The following RGS20 variants were observed in gnomAD, a reference collection of about 807,000 sequenced individuals.
RGS20 encodes regulator of G protein signaling 20.
A neutral mutation model predicts 33.6 loss-of-function variants in RGS20; 30 were observed. That is an observed-to-expected ratio of 0.89 (90% CI 0.67 to 1.21). The LOEUF (loss-of-function observed/expected upper bound fraction) is 1.21. RGS20 is among the 50% of genes most tolerant of loss of function. The pLI, the probability that RGS20 is intolerant of heterozygous loss-of-function variation, is 0.00. For missense variants in RGS20, 472 were observed against 502.4 expected, an observed-to-expected ratio of 0.94 and a Z score of 0.58; for synonymous variants, 208 against 197.9, an observed-to-expected ratio of 1.05 and a Z score of -0.43.
At chr8:53,862,294 G>C (rs189510852) in intron 1 of RGS20, among the ~76,000 whole-genome samples, 13 of 152,268 alleles carry the variant, frequency 8.5e-5, no homozygotes, top group Non-Finnish European at 1.5e-4. Context: ...TCCTGCTCAT[G>C]AAATCTACAG....
intron 1 of RGS20, among the ~76,000 whole-genome samples, chr8:53,859,248 G>C (rs1047364985): frequency 1.3e-5 from 2 of 152,214 alleles, no homozygotes; most frequent in Non-Finnish European, 1.5e-5. Flanking sequence ...GGAAGCTGTT[G>C]TGTATGCTGT....
intron 2 of RGS20, among the ~76,000 whole-genome samples, chr8:53,937,558 C>A (rs947007654): frequency 2.0e-5 from 3 of 152,132 alleles, no homozygotes; most frequent in Non-Finnish European, 4.4e-5. Flanking sequence ...TAAAGAACTT[C>A]TGCACAGCAA....
chr8:53,892,912 T>C (rs182822066), intron 2 of RGS20, among the ~76,000 whole-genome samples: 32 of 152,276 alleles, frequency 2.1e-4, no homozygotes, highest in Non-Finnish European at 4.1e-4. Flanking sequence ...CCAGGAAAAA[T>C]ATTACTAATA....
At chr8:53,918,193 T>C (rs1414788987) in intron 2 of RGS20, among the ~76,000 whole-genome samples, 1 of 152,114 alleles carries the variant, frequency 6.6e-6, no homozygotes, top group Non-Finnish European at 1.5e-5. Context: ...CCTGAATATT[T>C]TCATAATTCT....
intron 2 of RGS20, chr8:53,879,762 C>T (rs57281648): frequency 1.7e-6 from 1 of 588,620 alleles, no homozygotes. Flanking sequence ...AGTCCTAGGA[C>T]GGGACATTGG....
In RGS20 at chr8:53,879,795, C is replaced by G. The variant is rs540059642; in HGVS notation, c.510+193C>G. On this transcript the variant is annotated intron_variant, in intron 2 of 5. Transcript: ENST00000297313. ...TGGCGGCTCCCGGGACACCGCCCCT[C>G]CCCGCGGGAAGACACTCCAAGCTAC... The G allele has an allele frequency of 3.5e-5, 17 of 482,588 alleles. No individual in the cohort carries two copies. The South Asian group carries it at 7.9e-4, about 23-fold the overall frequency. The allele number at this position is 482,588 out of a possible 1,614,324, so 29.9% of individuals were successfully genotyped here. A position where few individuals can be genotyped will look rare whatever the true frequency, so the allele number is the denominator to read the frequency against.
chr8:53,907,303 T>G (rs1813207685), intron 2 of RGS20, among the ~76,000 whole-genome samples: 1 of 152,118 alleles, frequency 6.6e-6, no homozygotes, highest in Non-Finnish European at 1.5e-5. Flanking sequence ...TTAAAGAATC[T>G]TGGCTGGGCG....
chr8:53,928,823 C>CA (rs879477520), intron 2 of RGS20, among the ~76,000 whole-genome samples: 333 of 125,852 alleles, frequency 2.6e-3, no homozygotes, highest in Admixed American at 8.1e-3. Flanking sequence ...AACTCCGTCT[C>CA]AAAAAAAAAA....
At chr8:53,924,655 T>C (rs929091768) in intron 2 of RGS20, among the ~76,000 whole-genome samples, 8 of 152,188 alleles carry the variant, frequency 5.3e-5, no homozygotes, top group Non-Finnish European at 1.0e-4. Context: ...TGTTTCATTC[T>C]TTTTTGTTGT....
chr8:53,899,997 A>G (rs1323412047), intron 2 of RGS20, among the ~76,000 whole-genome samples: 1 of 152,088 alleles, frequency 6.6e-6, no homozygotes, highest in African/African-American at 2.4e-5. Context: ...TTCTGTTCTC[A>G]GCTTTGCCCA....
intron 1 of RGS20, among the ~76,000 whole-genome samples, chr8:53,860,595 G>T (rs1450366951): frequency 6.6e-6 from 1 of 152,148 alleles, no homozygotes; most frequent in Non-Finnish European, 1.5e-5. Context: ...GCCTCTAATA[G>T]CTGTGGCTCC....
chr8:53,886,357 G>A (rs1192331906), intron 2 of RGS20, among the ~76,000 whole-genome samples: 1 of 152,152 alleles, frequency 6.6e-6, no homozygotes, highest in Non-Finnish European at 1.5e-5. Context: ...AATTCATGGA[G>A]TAGATTACCT....
At chr8:53,947,797 A>G (rs1382242836) in intron 4 of RGS20, among the ~76,000 whole-genome samples, 9 of 134,628 alleles carry the variant, frequency 6.7e-5, no homozygotes, top group Admixed American at 7.8e-5. Flanking sequence ...ACATTTATAT[A>G]TGCTATATAT....
intron 2 of RGS20, among the ~76,000 whole-genome samples, chr8:53,930,535 G>C (rs371015362): frequency 6.6e-6 from 1 of 152,246 alleles, no homozygotes; most frequent in African/African-American, 2.4e-5. Context: ...AAATTAATTA[G>C]GATATGGTTT....
intron 4 of RGS20, among the ~76,000 whole-genome samples, chr8:53,949,393 A>G (rs1355374948): frequency 1.3e-5 from 2 of 150,636 alleles, no homozygotes; most frequent in African/African-American, 2.4e-5. Flanking sequence ...AACATGAAAC[A>G]GTTATATTTT....
intron 1 of RGS20, among the ~76,000 whole-genome samples, chr8:53,863,298 A>C (rs536282369): frequency 6.4e-4 from 98 of 152,176 alleles, no homozygotes; most frequent in South Asian, 1.9e-3. Flanking sequence ...TGACATTTTC[A>C]AATTCCTTCT....
chr8:53,863,268 C>T (rs1462741278), intron 1 of RGS20, among the ~76,000 whole-genome samples: 5 of 151,972 alleles, frequency 3.3e-5, no homozygotes, highest in Admixed American at 6.6e-5. Context: ...ATTACAGGTG[C>T]GAGCCACAGC....
At chr8:53,931,717 G>A (rs1011048646) in intron 2 of RGS20, among the ~76,000 whole-genome samples, 1 of 152,150 alleles carries the variant, frequency 6.6e-6, no homozygotes, top group Admixed American at 6.5e-5. Flanking sequence ...ATCTCATTGG[G>A]ACTGGTTAGA....
chr8:53,875,677 C>G (rs960883769), intron 1 of RGS20, among the ~76,000 whole-genome samples: 2 of 152,140 alleles, frequency 1.3e-5, no homozygotes, highest in Non-Finnish European at 2.9e-5. Context: ...ATCATTGCCT[C>G]CATTACACAA....
Sources: allele counts gnomAD v4.1 joint callset (sites outside exome capture counted in the v4.1 genomes callset), GRCh38; gene constraint gnomAD v4.1.1; transcripts MANE v1.5; gene names NCBI Gene and HGNC (gene_info 2026-07-23, HGNC 2026-07-21).